Variants in EAF2 observed in about 807,000 individuals in gnomAD.
EAF2 encodes ELL-associated factor 2.
A neutral mutation model predicts 29.4 loss-of-function variants in EAF2; 29 were observed. The ratio of observed to expected loss-of-function variants is 0.99; its 90% confidence interval spans 0.73 to 1.35. The LOEUF (loss-of-function observed/expected upper bound fraction) is 1.35. Among genes scored for constraint, EAF2 ranks in the 40% most tolerant of loss-of-function variants. EAF2 has a pLI of 0.00. For synonymous variants in EAF2, 103 were observed against 102.5 expected, an observed-to-expected ratio of 1.00 and a Z score of -0.03; for missense variants, 292 against 312.0, an observed-to-expected ratio of 0.94 and a Z score of 0.48.
intron 5 of EAF2, among the ~76,000 whole-genome samples, chr3:121,883,580 A>G (rs1279445940): frequency 6.6e-6 from 1 of 152,218 alleles, no homozygotes; most frequent in Non-Finnish European, 1.5e-5. Flanking sequence ...CAGAATGTAG[A>G]AGAGTTCTTT....
intron 4 of EAF2, among the ~76,000 whole-genome samples, chr3:121,865,276 AAAG>A (rs1708903893): frequency 1.3e-5 from 2 of 148,764 alleles, no homozygotes; most frequent in Non-Finnish European, 1.5e-5. Flanking sequence ...AAGTTAAAAA[AAAG>A]AAAGTTGTAG....
At chr3:121,844,191 C>T (rs534874007) in intron 1 of EAF2, among the ~76,000 whole-genome samples, 1 of 128,960 alleles carries the variant, frequency 7.8e-6, no homozygotes, top group African/African-American at 3.0e-5. Context: ...TCAGGTTCAT[C>T]TTGTCTAAAC....
rs146027421 is a variant in EAF2 at position 121,854,176 on chromosome 3, C to T, written c.202-511C>T. ...ACTAAAAATATAAAAATTAGCTGGGCGTGGTTGTCCATGCCTATAGTCCCA... is the reference window on the plus strand; with the variant it reads ...ACTAAAAATATAAAAATTAGCTGGGTGTGGTTGTCCATGCCTATAGTCCCA... On this transcript the variant is annotated intron_variant, in intron 2 of 5. Coordinates refer to ENST00000273668, the MANE Select transcript of EAF2 (RefSeq NM_018456.6). Among the ~76,000 whole-genome samples, 1,468 of 151,850 alleles carry T rather than the reference C, an allele frequency of 9.7e-3. 25 individuals carry two copies. The highest frequency in any genetic ancestry group is 0.033 in the African/African-American group (1,372 of 41,418).
intron 2 of EAF2, among the ~76,000 whole-genome samples, chr3:121,851,473 C>T (rs1708630694): frequency 2.0e-5 from 3 of 152,222 alleles, no homozygotes; most frequent in South Asian, 2.1e-4. Flanking sequence ...CACACATGAC[C>T]CACTCACTTA....
chr3:121,862,996 G>C lies in EAF2; in HGVS notation c.484+5840G>C, dbSNP rs368026541. Among the ~76,000 whole-genome samples, 6 of 152,304 alleles carry C rather than the reference G, an allele frequency of 3.9e-5. No homozygotes were observed. The South Asian group carries it at 6.2e-4, about 16-fold the overall frequency. ...TGTTTTCCTGGGTATCACCAGCGGAGGCTGCAGAGTAGCAAATATTGCAGA... is the reference window on the plus strand; with the variant it reads ...TGTTTTCCTGGGTATCACCAGCGGACGCTGCAGAGTAGCAAATATTGCAGA... On this transcript the variant is annotated intron_variant, in intron 4 of 5. Transcript: ENST00000273668.
At chr3:121,880,843 AT>A (rs1342852007) in intron 5 of EAF2, among the ~76,000 whole-genome samples, 2 of 152,150 alleles carry the variant, frequency 1.3e-5, no homozygotes, top group African/African-American at 4.8e-5. Context: ...CCCATTTAGT[AT>A]AATGTTAACT....
In EAF2 at chr3:121,845,997, C is replaced by T. The variant is rs553390205; in HGVS notation, c.201+1450C>T. The stretch of plus-strand genomic sequence containing the variant: ...ACTTTGTCTATTCTCAGAAAAAAAT[C>T]AAGACTGTAACTTTATACTTTAATA... On this transcript the variant is annotated intron_variant, in intron 2 of 5. Transcript: ENST00000273668. 4.5e-4 allele frequency among the ~76,000 whole-genome samples: 69 copies of T among 152,150 alleles called. 1 individual carries two copies. In the South Asian group the frequency reaches 0.014, roughly 32 times the overall value.
At chr3:121,840,607 C>A (rs1211600015) in intron 1 of EAF2, among the ~76,000 whole-genome samples, 2 of 150,494 alleles carry the variant, frequency 1.3e-5, no homozygotes, top group African/African-American at 2.4e-5. Flanking sequence ...AGATCGAGAC[C>A]ATCCTTGCTG....
chr3:121,886,146 G>T (rs1709279954), intron 5 of EAF2, among the ~76,000 whole-genome samples, 196 bp from the exon 6 acceptor site: 1 of 152,092 alleles, frequency 6.6e-6, no homozygotes, highest in South Asian at 2.1e-4. Context: ...TAAAACTGCT[G>T]AAGTTTAGTG....
intron 4 of EAF2, among the ~76,000 whole-genome samples, chr3:121,868,046 CAG>C (rs893329969): frequency 6.6e-6 from 1 of 152,100 alleles, no homozygotes; most frequent in Non-Finnish European, 1.5e-5. Flanking sequence ...AGGAAGCAAA[CAG>C]AAAACAAATA....
At chr3:121,855,490 T>C (rs1708703673) in intron 3 of EAF2, among the ~76,000 whole-genome samples, 1 of 152,148 alleles carries the variant, frequency 6.6e-6, no homozygotes, top group African/African-American at 2.4e-5. Context: ...CTTGGGTGCT[T>C]GTTAAAAATT....
At chr3:121,843,731 G>T (rs1708472676) in intron 1 of EAF2, among the ~76,000 whole-genome samples, 1 of 152,034 alleles carries the variant, frequency 6.6e-6, no homozygotes, top group African/African-American at 2.4e-5. Flanking sequence ...CTAGATGATA[G>T]ATTTTAATGG....
intron 5 of EAF2, among the ~76,000 whole-genome samples, chr3:121,884,176 A>C (rs1173490317): frequency 6.6e-6 from 1 of 151,610 alleles, no homozygotes; most frequent in Non-Finnish European, 1.5e-5. Flanking sequence ...TGACTCTACT[A>C]AAAATACAAA....
intron 2 of EAF2, among the ~76,000 whole-genome samples, chr3:121,845,459 A>AG (rs530450440): frequency 2.1e-5 from 2 of 96,610 alleles, no homozygotes; most frequent in East Asian, 2.5e-4. Context: ...AAAAAAAAAA[A>AG]AAAGAAAGAA....
At chr3:121,865,712 A>G (rs1208634430) in intron 4 of EAF2, among the ~76,000 whole-genome samples, 1 of 152,016 alleles carries the variant, frequency 6.6e-6, no homozygotes, top group African/African-American at 2.4e-5. Context: ...CTAAAATTCT[A>G]CTCCCCTACC....
chr3:121,852,430 G>A (rs1207363775), intron 2 of EAF2, among the ~76,000 whole-genome samples: 1 of 152,138 alleles, frequency 6.6e-6, no homozygotes, highest in Non-Finnish European at 1.5e-5. Flanking sequence ...GCTTACCAGG[G>A]CTTCAACTAA....
At chr3:121,851,237 G>A (rs1223352833) in intron 2 of EAF2, among the ~76,000 whole-genome samples, 1 of 152,030 alleles carries the variant, frequency 6.6e-6, no homozygotes, top group Non-Finnish European at 1.5e-5. Context: ...GAGTGCAGTG[G>A]CACAATTATA....
intron 2 of EAF2, among the ~76,000 whole-genome samples, chr3:121,850,806 C>T (rs1281227897): frequency 6.6e-6 from 1 of 152,044 alleles, no homozygotes; most frequent in African/African-American, 2.4e-5. Flanking sequence ...GAGCAATTCT[C>T]CTGCCTCAGC....
At chr3:121,877,827 G>C (rs1415407638) in intron 5 of EAF2, among the ~76,000 whole-genome samples, 1 of 152,072 alleles carries the variant, frequency 6.6e-6, no homozygotes, top group East Asian at 1.9e-4. Flanking sequence ...CTGGAGTGTA[G>C]TGGTCATTCA....
Sources: gnomAD v4.1 joint callset for allele counts (sites outside exome capture counted in the v4.1 genomes callset) on GRCh38, gnomAD v4.1.1 for gene constraint, MANE v1.5 for transcripts, NCBI Gene and HGNC (gene_info 2026-07-23, HGNC 2026-07-21) for gene names.